The following FHAD1 variants were observed in gnomAD, a reference collection of about 807,000 sequenced individuals.
The protein encoded by FHAD1 is forkhead associated phosphopeptide binding domain 1, also known as forkhead-associated domain-containing protein 1.
FHAD1 carries 146 observed loss-of-function variants against 191.3 expected under a neutral mutation model. That is an observed-to-expected ratio of 0.76 (90% CI 0.67 to 0.88). FHAD1 has a LOEUF of 0.88. FHAD1 is among the 40% of genes least tolerant of loss of function. The probability of loss-of-function intolerance (pLI) is 0.00; values close to 1 mark genes in which losing one functional copy is unlikely to be tolerated. For synonymous variants in FHAD1, 616 were observed against 672.3 expected, an observed-to-expected ratio of 0.92 and a Z score of 1.29; for missense variants, 1,635 against 1,785.8, an observed-to-expected ratio of 0.92 and a Z score of 1.52.
At chr1:15,394,530 A>G (rs1034599131) in intron 33 of FHAD1, among the ~76,000 whole-genome samples, 7 of 152,118 alleles carry the variant, frequency 4.6e-5, no homozygotes, top group Non-Finnish European at 7.4e-5. Flanking sequence ...CCCTGAAACA[A>G]TCTTGAATGC....
rs181984521 is a variant in FHAD1 at position 15,354,732 on chromosome 1, A to G, written c.2562+1748A>G. Among the ~76,000 whole-genome samples the G allele has an allele frequency of 7.2e-5, 11 of 152,330 alleles. No homozygotes were observed. In the East Asian group the frequency reaches 1.3e-3, roughly 19 times the overall value. On this transcript the variant is annotated intron_variant, in intron 20 of 33. Coordinates refer to ENST00000688493, the MANE Select transcript of FHAD1 (RefSeq NM_001391957.1). ...ATGAGTCACAATTTTTACTCCAGCAATTACAGTGCAAGGGAAGGCCCAGCT... is the reference window on the plus strand; with the variant it reads ...ATGAGTCACAATTTTTACTCCAGCAGTTACAGTGCAAGGGAAGGCCCAGCT...
chr1:15,353,193 A>G (rs1371449743), intron 20 of FHAD1, among the ~76,000 whole-genome samples: 2 of 152,154 alleles, frequency 1.3e-5, no homozygotes, highest in South Asian at 2.1e-4. Flanking sequence ...GTTGTGAGAC[A>G]TGACTGCTGT....
chr1:15,321,806 CATGCATGTGT>C (rs1370263093), intron 10 of FHAD1, among the ~76,000 whole-genome samples: 2 of 152,198 alleles, frequency 1.3e-5, no homozygotes, highest in African/African-American at 4.8e-5. Flanking sequence ...CACATGTGTG[CATGCATGTGT>C]GTGCATGTGT....
At chr1:15,331,116 G>A (rs1353055306) in intron 14 of FHAD1, among the ~76,000 whole-genome samples, 1 of 152,142 alleles carries the variant, frequency 6.6e-6, no homozygotes, top group Non-Finnish European at 1.5e-5. Context: ...AAAGACGGAT[G>A]TGATTTCTTT....
chr1:15,324,370 C>A, intron 10 of FHAD1, 82 bp from the exon 11 acceptor site: 2 of 1,120,102 alleles, frequency 1.8e-6, no homozygotes, highest in Non-Finnish European at 2.6e-6. Flanking sequence ...CCCCCCACGG[C>A]CATTAGACAT....
intron 2 of FHAD1, among the ~76,000 whole-genome samples, chr1:15,253,201 AGAG>A (rs1647008749): frequency 6.8e-6 from 1 of 146,492 alleles, no homozygotes; most frequent in African/African-American, 2.5e-5. Context: ...AAAGAGAGAG[AGAG>A]GACAATGTGT....
In FHAD1 at chr1:15,311,236, C is replaced by A. The variant is rs145491197; in HGVS notation, c.1040-1821C>A. On this transcript the variant is annotated intron_variant, in intron 7 of 33. Coordinates refer to ENST00000688493, the MANE Select transcript of FHAD1 (RefSeq NM_001391957.1). The surrounding 1 kb of genome is among the most constrained non-coding windows in gnomAD (Gnocchi z 4.1). ...TGAGTTTGCTGGGTGGCGTGCCAGG[C>A]GGGAGGGGGCTGCACGGAGAGCACC... 6.6e-6 allele frequency among the ~76,000 whole-genome samples: 1 copy of A among 152,114 alleles called. No homozygotes were observed. Among genetic ancestry groups the A allele is most frequent in the East Asian group, 1.9e-4 (1 of 5,172 alleles).
chr1:15,280,845 A>G (rs1573935080), intron 3 of FHAD1, among the ~76,000 whole-genome samples: 1 of 152,174 alleles, frequency 6.6e-6, no homozygotes, highest in Admixed American at 6.5e-5. Context: ...GAAAAGGAAA[A>G]CTTTAAGCTA....
At chr1:15,360,422 T>C in intron 21 of FHAD1, 56 bp from the exon 22 acceptor site, 1 of 1,468,562 alleles carries the variant, frequency 6.8e-7, no homozygotes, top group Non-Finnish European at 9.3e-7. Flanking sequence ...GGGCATATTA[T>C]TGTTGCCGTC....
chr1:15,248,649 A>G (rs1474586501), intron 1 of FHAD1, among the ~76,000 whole-genome samples: 2 of 151,546 alleles, frequency 1.3e-5, no homozygotes, highest in Admixed American at 1.3e-4. Context: ...GCAGTGGCAC[A>G]ATCTCAGCTC....
rs1209679761 is a variant in FHAD1 at position 15,362,696 on chromosome 1, G to A, written c.3017G>A (p.Ser1006Asn). ...DPLVAPMTESSAKDMAYEHLI... is the reference protein window; with the variant it reads ...DPLVAPMTESNAKDMAYEHLI... ...CTGGTGGCTCCCATGACAGAGAGCA[G>A]TGCCAAAGACATGGCGTACGAACAT... Residue 1006 changes from serine (S) to asparagine (N), a missense_variant, in exon 23 of 34, where the codon AGT becomes AAT. Physicochemically the swap from Ser to Asn is conservative, Grantham distance 46. Transcript: ENST00000688493. 1.9e-6 allele frequency: 3 copies of A among 1,551,698 alleles called. No homozygotes were observed. In the African/African-American group the frequency reaches 4.1e-5, roughly 21 times the overall value.
chr1:15,386,954 C>T (rs1570567442), intron 31 of FHAD1, among the ~76,000 whole-genome samples: 2 of 151,980 alleles, frequency 1.3e-5, no homozygotes, highest in East Asian at 1.9e-4. Context: ...CCTCTGCCTC[C>T]CAGGCTCAAA....
intron 3 of FHAD1, among the ~76,000 whole-genome samples, chr1:15,277,806 A>G (rs16851529): frequency 0.024 from 3,727 of 152,300 alleles, 134 homozygotes; most frequent in African/African-American, 0.085. Context: ...GGACAAACTC[A>G]GTTCCCCCCT....
At chr1:15,263,747 T>G (rs1315541809) in intron 2 of FHAD1, among the ~76,000 whole-genome samples, 2 of 152,082 alleles carry the variant, frequency 1.3e-5, no homozygotes, top group Non-Finnish European at 2.9e-5. Flanking sequence ...GGTCTTGATC[T>G]CCTGACCTCG....
At chr1:15,320,579 C>A (rs1454420237) in intron 10 of FHAD1, among the ~76,000 whole-genome samples, 1 of 152,160 alleles carries the variant, frequency 6.6e-6, no homozygotes, top group African/African-American at 2.4e-5. Flanking sequence ...CCTATCGAAT[C>A]AAATCTTTGG....
In FHAD1 at chr1:15,367,666, G is replaced by A. The variant is rs146166298; in HGVS notation, c.3314+44G>A. The stretch of plus-strand genomic sequence containing the variant: ...GGGTTGGGGGGATGGTTTGCCTGCC[G>A]TGGGGAGCCGCTGAGTATTGCAGAG... On this transcript the variant is annotated intron_variant, in intron 25 of 33. Transcript: ENST00000688493. 2,234 of 1,492,922 alleles carry A rather than the reference G, an allele frequency of 1.5e-3. 42 individuals carry two copies. In the African/African-American group the frequency reaches 0.026, roughly 18 times the overall value. The allele number at this position is 1,492,922 out of a possible 1,614,324, so 92.5% of individuals were successfully genotyped here.
chr1:15,279,517 T>C (rs1304105200), intron 3 of FHAD1, among the ~76,000 whole-genome samples: 2 of 148,754 alleles, frequency 1.3e-5, no homozygotes, highest in Admixed American at 1.3e-4. Flanking sequence ...TCTTCTTCCT[T>C]CTTTCTTGCC....
rs980185567 is a variant in FHAD1 at position 15,250,057 on chromosome 1, AGAT to A, written c.-14-1705_-14-1703del. Among the ~76,000 whole-genome samples the A allele has an allele frequency of 2.0e-5, 3 of 152,344 alleles. 1 individual carries two copies. Among genetic ancestry groups the A allele is most frequent in the South Asian group, 4.1e-4 (2 of 4,828 alleles). On this transcript the variant is annotated intron_variant, in intron 1 of 33. Transcript: ENST00000688493. ...CTAAGGACTCCATAAATGATGATAGAGATGATGATGAAAAGCAGAGCCAGCCCC... is the reference window on the plus strand; with the variant it reads ...CTAAGGACTCCATAAATGATGATAGAGATGATGAAAAGCAGAGCCAGCCCC...
chr1:15,310,270 G>A (rs903281631), intron 7 of FHAD1, among the ~76,000 whole-genome samples: 6 of 152,210 alleles, frequency 3.9e-5, no homozygotes, highest in African/African-American at 1.4e-4. Flanking sequence ...GCAGGACCCA[G>A]GCCGCCTGGC....
Sources: gnomAD v4.1 joint callset for allele counts (sites outside exome capture counted in the v4.1 genomes callset) on GRCh38, gnomAD v4.1.1 for gene constraint, Gnocchi (gnomAD v3.1) non-coding constraint, MANE v1.5 for transcripts, NCBI Gene and HGNC (gene_info 2026-07-23, HGNC 2026-07-21) for gene names.